The following ANKFN1 variants were observed in gnomAD, a reference collection of about 807,000 sequenced individuals.
ANKFN1 encodes ankyrin repeat and fibronectin type III domain containing 1.
In ANKFN1, 74 loss-of-function variants were observed where a neutral mutation model predicts 108.7. That is an observed-to-expected ratio of 0.68 (90% CI 0.56 to 0.83). ANKFN1 has a LOEUF of 0.83. Ranked by LOEUF, ANKFN1 falls within the 40% of genes least tolerant of loss-of-function variation. ANKFN1 has a pLI of 0.00. For synonymous variants in ANKFN1, 547 were observed against 516.2 expected (o/e 1.06, Z -0.81); for missense variants, 1,505 against 1,382.3 (o/e 1.09, Z -1.41).
chr17:56,082,549 G>A (rs914174335), intron 4 of ANKFN1, among the ~76,000 whole-genome samples: 1 of 152,146 alleles, frequency 6.6e-6, no homozygotes, highest in African/African-American at 2.4e-5. Context: ...CTGATGGAGA[G>A]GACATTGATT....
At chr17:56,129,016 T>C (rs1469489883) in intron 4 of ANKFN1, among the ~76,000 whole-genome samples, 1 of 152,190 alleles carries the variant, frequency 6.6e-6, no homozygotes, top group Admixed American at 6.5e-5. Context: ...ACATTTTAGC[T>C]GTGAGGTTAG....
At chr17:56,103,313 C>A (rs537621479) in intron 4 of ANKFN1, among the ~76,000 whole-genome samples, 17 of 152,176 alleles carry the variant, frequency 1.1e-4, no homozygotes, top group African/African-American at 4.1e-4. Flanking sequence ...GGATCAAAGG[C>A]GCAGGATGGA....
chr17:56,360,690 T>C (rs997035348), intron 6 of ANKFN1, among the ~76,000 whole-genome samples: 2 of 152,224 alleles, frequency 1.3e-5, no homozygotes, highest in African/African-American at 4.8e-5. Context: ...ATTGGGCTCA[T>C]TGATCTTTTT....
intron 8 of ANKFN1, among the ~76,000 whole-genome samples, chr17:56,427,437 G>A (rs1418301729): frequency 1.3e-5 from 2 of 151,842 alleles, no homozygotes; most frequent in African/African-American, 4.8e-5. Context: ...TTTTTACTCA[G>A]TACTTATCTT....
chr17:56,285,009 A>T (rs920841199), intron 3 of ANKFN1, among the ~76,000 whole-genome samples: 7 of 152,188 alleles, frequency 4.6e-5, no homozygotes, highest in African/African-American at 1.7e-4. Context: ...ACAAGTCAAG[A>T]TCTTATTTCT....
chr17:56,515,865 C>T lies in ANKFN1; in HGVS notation c.*4596C>T, dbSNP rs1425396225. 6.6e-6 allele frequency among the ~76,000 whole-genome samples: 1 copy of T among 152,084 alleles called. No individual in the cohort carries two copies. Among genetic ancestry groups the T allele is most frequent in the Non-Finnish European group, 1.5e-5 (1 of 67,984 alleles). Reference sequence around the variant, plus strand: ...AACAGTTATTCAAAAGGATGGTTGGCTTTGTTTAACAATTGGATAGGTGGG... The same window carrying T: ...AACAGTTATTCAAAAGGATGGTTGGTTTTGTTTAACAATTGGATAGGTGGG... On this transcript the variant is annotated 3_prime_UTR_variant, in exon 21 of 21. Coordinates refer to ENST00000682825, the MANE Select transcript of ANKFN1 (RefSeq NM_001370326.1).
At chr17:56,322,298 T>C (rs1287976183) in intron 3 of ANKFN1, among the ~76,000 whole-genome samples, 1 of 152,160 alleles carries the variant, frequency 6.6e-6, no homozygotes, top group Non-Finnish European at 1.5e-5. Context: ...CCTATACTAT[T>C]GACAATCCTG....
At chr17:56,135,872 A>G (rs967814124) in intron 4 of ANKFN1, among the ~76,000 whole-genome samples, 1 of 152,216 alleles carries the variant, frequency 6.6e-6, no homozygotes, top group Admixed American at 6.5e-5. Context: ...CCAGGAAGTA[A>G]GCAACCAAGT....
intron 8 of ANKFN1, among the ~76,000 whole-genome samples, chr17:56,415,541 A>ACT (rs1439376602): frequency 6.6e-6 from 1 of 152,220 alleles, no homozygotes; most frequent in East Asian, 1.9e-4. Flanking sequence ...ACTATAAAAC[A>ACT]CTGATGAAAG....
chr17:56,101,895 T>C (rs1295488849), intron 4 of ANKFN1, among the ~76,000 whole-genome samples: 1 of 152,188 alleles, frequency 6.6e-6, no homozygotes, highest in African/African-American at 2.4e-5. Context: ...GGTAGGGCTA[T>C]AAGATCTGTG....
intron 20 of ANKFN1, among the ~76,000 whole-genome samples, chr17:56,504,977 T>TA (rs934174024): frequency 6.6e-6 from 1 of 151,966 alleles, no homozygotes; most frequent in Non-Finnish European, 1.5e-5. Context: ...CCAGCCCACT[T>TA]AAAGTATCTT....
intron 4 of ANKFN1, among the ~76,000 whole-genome samples, chr17:56,075,343 T>C (rs78564882): frequency 0.064 from 9,727 of 152,250 alleles, 450 homozygotes; most frequent in East Asian, 0.14. Context: ...GTACGTGAAG[T>C]ACCTTGCATA....
intron 3 of ANKFN1, among the ~76,000 whole-genome samples, chr17:56,304,389 A>G (rs535195868): frequency 6.6e-6 from 1 of 152,296 alleles, no homozygotes; most frequent in African/African-American, 2.4e-5. Context: ...TATTTTAACC[A>G]TCTGTTGAAG....
chr17:56,143,287 G>C (rs1908040121), intron 4 of ANKFN1, among the ~76,000 whole-genome samples: 1 of 152,140 alleles, frequency 6.6e-6, no homozygotes, highest in Non-Finnish European at 1.5e-5. Flanking sequence ...GAGCACAGAA[G>C]GGATTCCAGG....
chr17:56,095,790 A>G (rs1905522497), intron 4 of ANKFN1, among the ~76,000 whole-genome samples: 2 of 152,216 alleles, frequency 1.3e-5, no homozygotes, highest in African/African-American at 4.8e-5. Flanking sequence ...AGGAGTGTCC[A>G]CGATGGAAGC....
chr17:56,470,820 C>T (rs1324278408), intron 15 of ANKFN1, among the ~76,000 whole-genome samples: 1 of 152,140 alleles, frequency 6.6e-6, no homozygotes, highest in Non-Finnish European at 1.5e-5. Context: ...GCAAAAAATC[C>T]TCCTCACCCT....
chr17:56,081,199 T>G (rs917854101), intron 4 of ANKFN1, among the ~76,000 whole-genome samples: 1 of 152,080 alleles, frequency 6.6e-6, no homozygotes, highest in Non-Finnish European at 1.5e-5. Context: ...AAGGCAAGTT[T>G]TAGAACAGGA....
At chr17:56,306,882 A>G (rs1265694854) in intron 3 of ANKFN1, among the ~76,000 whole-genome samples, 3 of 152,222 alleles carry the variant, frequency 2.0e-5, no homozygotes, top group Non-Finnish European at 4.4e-5. Context: ...AAACAGAGAT[A>G]CAGACCAATG....
intron 4 of ANKFN1, among the ~76,000 whole-genome samples, chr17:56,075,800 T>C (rs1255810189): frequency 6.6e-6 from 1 of 152,146 alleles, no homozygotes; most frequent in Non-Finnish European, 1.5e-5. Context: ...TTGTTCCTAG[T>C]TCTGCAAGCT....
Sources: gnomAD v4.1 joint callset for allele counts (sites outside exome capture counted in the v4.1 genomes callset) on GRCh38, gnomAD v4.1.1 for gene constraint, MANE v1.5 for transcripts, NCBI Gene and HGNC (gene_info 2026-07-23, HGNC 2026-07-21) for gene names.